Variants in KIAA1328 observed in about 807,000 individuals in gnomAD.
KIAA1328 encodes KIAA1328, also known as protein hinderin.
Under a neutral mutation model 68.1 loss-of-function variants are expected in KIAA1328, and 52 were observed. The observed-to-expected ratio is 0.76, with a 90% CI of 0.61 to 0.96. The LOEUF (loss-of-function observed/expected upper bound fraction) is 0.96, where lower values mean the gene tolerates loss of function less well. Ranked by LOEUF, KIAA1328 falls within the 40% of genes least tolerant of loss-of-function variation. The pLI, the probability that KIAA1328 is intolerant of heterozygous loss-of-function variation, is 0.00. For missense variants in KIAA1328, 641 were observed against 677.6 expected (o/e 0.95, Z 0.60); for synonymous variants, 232 against 239.4 (o/e 0.97, Z 0.28).
intron 5 of KIAA1328, among the ~76,000 whole-genome samples, chr18:36,894,938 A>G (rs2048820609): frequency 6.6e-6 from 1 of 152,150 alleles, no homozygotes; most frequent in Non-Finnish European, 1.5e-5. Flanking sequence ...CTCCATTACT[A>G]GTGTCAAGTA....
At chr18:36,944,079 A>G (rs1294474213) in intron 5 of KIAA1328, among the ~76,000 whole-genome samples, 1 of 152,240 alleles carries the variant, frequency 6.6e-6, no homozygotes, top group African/African-American at 2.4e-5. Context: ...AATGATTGGA[A>G]GAATTGGATG....
chr18:37,140,658 C>A (rs2058746867), intron 7 of KIAA1328, among the ~76,000 whole-genome samples: 1 of 152,078 alleles, frequency 6.6e-6, no homozygotes, highest in Non-Finnish European at 1.5e-5. Context: ...TTAAGGGTGA[C>A]TTACAGTGTA....
intron 9 of KIAA1328, among the ~76,000 whole-genome samples, chr18:37,197,191 T>C (rs181268898): frequency 6.6e-6 from 1 of 152,222 alleles, no homozygotes; most frequent in African/African-American, 2.4e-5. Flanking sequence ...TCTCTGCTTT[T>C]ATTTATTTAG....
chr18:37,126,168 T>C (rs2151945089), intron 7 of KIAA1328, among the ~76,000 whole-genome samples: 1 of 152,354 alleles, frequency 6.6e-6, no homozygotes, highest in East Asian at 1.9e-4. Context: ...AGGCTTTGTA[T>C]ATAAGGTATA....
At chr18:36,937,213 G>C (rs559437416) in intron 5 of KIAA1328, among the ~76,000 whole-genome samples, 1 of 152,242 alleles carries the variant, frequency 6.6e-6, no homozygotes, top group African/African-American at 2.4e-5. Flanking sequence ...ATTAACTCAA[G>C]ATGGATTAAA....
intron 5 of KIAA1328, among the ~76,000 whole-genome samples, chr18:36,956,732 C>A (rs530904367): frequency 6.6e-5 from 10 of 152,256 alleles, no homozygotes; most frequent in Admixed American, 1.3e-4. Context: ...GAGTAAAATT[C>A]GTATTCTGTG....
intron 6 of KIAA1328, among the ~76,000 whole-genome samples, chr18:36,995,372 G>C (rs1482684808): frequency 6.6e-6 from 1 of 152,094 alleles, no homozygotes; most frequent in African/African-American, 2.4e-5. Context: ...GGACATTTGG[G>C]TTGGCTCCAA....
chr18:37,111,306 A>G (rs1239363067), intron 7 of KIAA1328, among the ~76,000 whole-genome samples: 3 of 152,170 alleles, frequency 2.0e-5, no homozygotes, highest in Non-Finnish European at 2.9e-5. Context: ...GTCTGCCTTT[A>G]AGGCTTTTCA....
At chr18:36,882,219 G>T (rs2048349209) in intron 4 of KIAA1328, among the ~76,000 whole-genome samples, 1 of 152,182 alleles carries the variant, frequency 6.6e-6, no homozygotes, top group African/African-American at 2.4e-5. Flanking sequence ...CATAGAAAGT[G>T]AAACTATGGA....
Position 36,982,540 on chromosome 18 carries a change from A to G in KIAA1328, c.576+23105A>G, listed in dbSNP as rs1444677847. On this transcript the variant is annotated intron_variant, in intron 6 of 9. Transcript: ENST00000280020. The stretch of plus-strand genomic sequence containing the variant: ...TCAACATCAAATTCTATACCCAGAA[A>G]AAAAAACTTTAAAAGCCAAAATCAA... 7.2e-5 allele frequency among the ~76,000 whole-genome samples: 11 copies of G among 151,998 alleles called. 1 individual carries two copies. The highest frequency in any genetic ancestry group is 1.6e-4 in the Non-Finnish European group (11 of 67,964).
At chr18:37,146,436 C>T (rs1189769305) in intron 7 of KIAA1328, among the ~76,000 whole-genome samples, 1 of 152,130 alleles carries the variant, frequency 6.6e-6, no homozygotes, top group Non-Finnish European at 1.5e-5. Context: ...CTTTTTATTG[C>T]TGCATAGTAT....
intron 9 of KIAA1328, among the ~76,000 whole-genome samples, chr18:37,200,943 T>C (rs1277374671): frequency 1.3e-5 from 2 of 152,138 alleles, no homozygotes; most frequent in Non-Finnish European, 2.9e-5. Flanking sequence ...AAAGCATTGA[T>C]TGTCAAAATA....
chr18:36,944,720 A>C (rs561710486), intron 5 of KIAA1328, among the ~76,000 whole-genome samples: 1 of 152,324 alleles, frequency 6.6e-6, no homozygotes, highest in South Asian at 2.1e-4. Context: ...GTAAGGAAGA[A>C]ACAGAATGAA....
At chr18:37,077,921 T>C (rs1428731502) in intron 7 of KIAA1328, among the ~76,000 whole-genome samples, 1 of 152,000 alleles carries the variant, frequency 6.6e-6, no homozygotes. Context: ...ATTTATAGAT[T>C]CAATGCCATT....
chr18:36,829,143 C>T lies in KIAA1328; in HGVS notation c.5C>T (p.Ala2Val). The T allele has an allele frequency of 6.5e-7, 1 of 1,533,758 alleles. No homozygotes were observed. The highest frequency in any genetic ancestry group is 2.0e-5 in the Admixed American group (1 of 50,158). M[A>V]DVAGPSRPSA... Reference sequence around the variant, plus strand: ...CCGAGTGGCGGTTGTTTCAAGATGGCGGACGTGGCGGGCCCCTCCCGCCCC... The same window carrying T: ...CCGAGTGGCGGTTGTTTCAAGATGGTGGACGTGGCGGGCCCCTCCCGCCCC... Residue 2 changes from alanine (A) to valine (V), a missense_variant, in exon 1 of 10, where the codon GCG becomes GTG. By Grantham distance (64) the Ala-to-Val change is moderately conservative. Transcript: ENST00000280020.
At chr18:36,831,616 A>T (rs536418525) in intron 1 of KIAA1328, among the ~76,000 whole-genome samples, 6 of 152,228 alleles carry the variant, frequency 3.9e-5, no homozygotes, top group Non-Finnish European at 7.3e-5. Flanking sequence ...ATGAACTGCA[A>T]GTGACCTGGT....
downstream of KIAA1328, chr18:37,229,864 T>C (rs1786072): frequency 0.8 from 117,950 of 148,118 alleles, 47,428 homozygotes; most frequent in African/African-American, 0.92. Flanking sequence ...CCAGCCTGGG[T>C]GACAGAGCAA....
chr18:37,173,447 G>A (rs548942308), intron 9 of KIAA1328, among the ~76,000 whole-genome samples: 1 of 152,178 alleles, frequency 6.6e-6, no homozygotes, highest in Non-Finnish European at 1.5e-5. Flanking sequence ...AGTGGCTTTT[G>A]TACTAGTTAA....
intron 9 of KIAA1328, chr18:37,193,793 G>T: frequency 3.3e-6 from 2 of 602,632 alleles, no homozygotes; most frequent in Non-Finnish European, 5.9e-6. Context: ...CAAATTCATA[G>T]GGTATATTTT....
Sources: allele counts gnomAD v4.1 joint callset (sites outside exome capture counted in the v4.1 genomes callset), GRCh38; gene constraint gnomAD v4.1.1; transcripts MANE v1.5; gene names NCBI Gene and HGNC (gene_info 2026-07-23, HGNC 2026-07-21).